The following OSBPL2 variants were observed in gnomAD, a reference collection of about 807,000 sequenced individuals.
OSBPL2 encodes oxysterol binding protein like 2.
In OSBPL2, 18 loss-of-function variants were observed where a neutral mutation model predicts 58.4. The ratio of observed to expected loss-of-function variants is 0.31; its 90% CI spans 0.21 to 0.46. The LOEUF (loss-of-function observed/expected upper bound fraction) is 0.46, where lower values mean the gene tolerates loss of function less well. Ranked by LOEUF, OSBPL2 falls within the 20% of genes least tolerant of loss-of-function variation. OSBPL2 has a pLI of 1.00. For missense variants in OSBPL2, 461 were observed against 616.5 expected (o/e 0.75, Z 2.67); for synonymous variants, 221 against 234.1 (o/e 0.94, Z 0.51).
intron 1 of OSBPL2, among the ~76,000 whole-genome samples, chr20:62,252,592 G>A (rs887278477): frequency 9.8e-5 from 15 of 152,316 alleles, no homozygotes; most frequent in African/African-American, 3.1e-4. Context: ...TCGCCGTGGT[G>A]TGGCCTCTGG....
chr20:62,250,674 A>T (rs1601152866), intron 1 of OSBPL2, among the ~76,000 whole-genome samples: 1 of 147,286 alleles, frequency 6.8e-6, no homozygotes, highest in Admixed American at 6.6e-5. Context: ...GAGTCCCAGC[A>T]CCTTGGGAGG....
At chr20:62,261,732 T>C (rs1601167102) in intron 3 of OSBPL2, among the ~76,000 whole-genome samples, 1 of 152,228 alleles carries the variant, frequency 6.6e-6, no homozygotes, top group Admixed American at 6.5e-5. Context: ...CCCTGCCTTT[T>C]ATTCCTGTTG....
At chr20:62,275,386 A>C (rs6061477) in intron 6 of OSBPL2, among the ~76,000 whole-genome samples, 19 of 151,542 alleles carry the variant, frequency 1.3e-4, no homozygotes, top group Admixed American at 4.6e-4. Context: ...GCACTTCTAC[A>C]TGTCAGTTTC....
chr20:62,246,820 A>G (rs968496379), intron 1 of OSBPL2, among the ~76,000 whole-genome samples: 8 of 152,102 alleles, frequency 5.3e-5, no homozygotes, highest in South Asian at 2.1e-4. Flanking sequence ...CCATGATTTC[A>G]TGTTCCCATC....
intron 6 of OSBPL2, among the ~76,000 whole-genome samples, chr20:62,274,801 C>T (rs184536144): frequency 3.3e-5 from 5 of 152,346 alleles, no homozygotes; most frequent in Middle Eastern, 6.8e-3. Context: ...CTGGGCTGCA[C>T]GCCTCCCTGC....
At position 62,281,945 on chromosome 20, in the gene OSBPL2, G is replaced by C. The variant is rs1049606485; in HGVS notation, c.872+66G>C. 31 of 1,048,426 alleles carry C rather than the reference G, an allele frequency of 3.0e-5. No individual in the cohort carries two copies. In the Middle Eastern group the frequency reaches 8.0e-4, roughly 27 times the overall value. The allele number at this position is 1,048,426 out of a possible 1,614,324, so 64.9% of individuals were successfully genotyped here. On this transcript the variant is annotated intron_variant, in intron 9 of 13. Coordinates refer to ENST00000313733, the MANE Select transcript of OSBPL2 (RefSeq NM_144498.4). ...TGTGTGTCCACGTTAGAAGGGCTCA[G>C]GTGCTCCTGGGCCTGCGTGTGCCTA...
chr20:62,277,967 G>C (rs1248183977), intron 6 of OSBPL2, among the ~76,000 whole-genome samples: 3 of 152,194 alleles, frequency 2.0e-5, no homozygotes, highest in Non-Finnish European at 4.4e-5. Context: ...CTTCAGAAAG[G>C]GTTTAGGGTC....
Position 62,267,802 on chromosome 20 carries a change from G to A in OSBPL2, c.258+4111G>A, listed in dbSNP as rs182339366. Among the ~76,000 whole-genome samples, 600 of 152,336 alleles carry A rather than the reference G, an allele frequency of 3.9e-3. 8 individuals are homozygous for A. The highest frequency in any genetic ancestry group is 1.1e-3 in the Non-Finnish European group (75 of 68,036). ...CAGCTCTGCTGCCGACAGTGTCTTT[G>A]CTGAGACAGCACATGTCTGTGCCTC... On this transcript the variant is annotated intron_variant, in intron 4 of 13. Transcript: ENST00000313733.
At chr20:62,280,205 A>G (rs190626014) in intron 7 of OSBPL2, 23 of 955,468 alleles carry the variant, frequency 2.4e-5, no homozygotes, top group Admixed American at 1.7e-4. Context: ...GTAATAAACG[A>G]CACCTTGCCT....
chr20:62,289,809 G>A (rs1330889178), intron 12 of OSBPL2, among the ~76,000 whole-genome samples: 1 of 152,076 alleles, frequency 6.6e-6, no homozygotes, highest in Non-Finnish European at 1.5e-5. Flanking sequence ...GGAGGCTGAG[G>A]CATGAGAATC....
chr20:62,263,841 G>A (rs1320894782), intron 4 of OSBPL2, 150 bp downstream of exon 4: 66 of 658,448 alleles, frequency 1.0e-4, no homozygotes, highest in East Asian at 2.0e-4. Context: ...CGAGGTGGGC[G>A]GATCACGAGG....
At chr20:62,245,786 A>T (rs1980066160) in intron 1 of OSBPL2, among the ~76,000 whole-genome samples, 2 of 152,258 alleles carry the variant, frequency 1.3e-5, no homozygotes, top group Admixed American at 6.5e-5. Flanking sequence ...ACCCCTTGTT[A>T]AAAAAGGTCA....
intron 12 of OSBPL2, among the ~76,000 whole-genome samples, chr20:62,290,270 C>T (rs369548822): frequency 3.9e-5 from 6 of 152,324 alleles, no homozygotes; most frequent in East Asian, 3.9e-4. Flanking sequence ...GGATCTCACT[C>T]TGTAGCCCAG....
intron 1 of OSBPL2, among the ~76,000 whole-genome samples, chr20:62,250,536 C>G (rs1351118916): frequency 2.6e-5 from 4 of 152,172 alleles, no homozygotes; most frequent in Non-Finnish European, 5.9e-5. Context: ...TTGTGTCTGG[C>G]ATCTTAATCC....
chr20:62,296,079 G>C lies in OSBPL2; in HGVS notation c.*2192G>C, dbSNP rs1330128157. The C allele has an allele frequency of 6.6e-6, 1 of 152,210 alleles. No homozygotes were observed. The highest frequency in any genetic ancestry group is 1.5e-5 in the Non-Finnish European group (1 of 68,040). 9.4% of individuals were successfully genotyped at this position (152,210 alleles called of 1,614,324 possible). A position where few individuals can be genotyped will look rare whatever the true frequency, so the allele number is the denominator to read the frequency against. On this transcript the variant is annotated 3_prime_UTR_variant, in exon 14 of 14. Transcript: ENST00000313733. Reference sequence around the variant, plus strand: ...TTATTTTAACTTTTTACTACTTTTTGTTACTGTTTCTGCAAATGCTAACAC... The same window carrying C: ...TTATTTTAACTTTTTACTACTTTTTCTTACTGTTTCTGCAAATGCTAACAC...
chr20:62,240,474 G>A (rs1365358343), intron 1 of OSBPL2, among the ~76,000 whole-genome samples: 1 of 152,174 alleles, frequency 6.6e-6, no homozygotes, highest in African/African-American at 2.4e-5. Context: ...CTTCACAACA[G>A]TCCACTGGGC....
At chr20:62,278,383 G>T (rs1157344209) in intron 6 of OSBPL2, 1 of 158,796 alleles carries the variant, frequency 6.3e-6, no homozygotes, top group African/African-American at 2.6e-5. Context: ...GTGTATGTCT[G>T]TTGCCAACAT....
chr20:62,268,439 C>T (rs1359802448), intron 4 of OSBPL2, among the ~76,000 whole-genome samples: 6 of 152,084 alleles, frequency 3.9e-5, no homozygotes, highest in Non-Finnish European at 8.8e-5. Flanking sequence ...GACCAGGAGC[C>T]AAGTTTAGGG....
At chr20:62,248,138 C>CTTTT (rs1568825250) in intron 1 of OSBPL2, among the ~76,000 whole-genome samples, 1 of 137,176 alleles carries the variant, frequency 7.3e-6, no homozygotes, top group African/African-American at 2.7e-5. Context: ...CTTTTTTTTT[C>CTTTT]TTTTTTCTTT....
Sources: allele counts gnomAD v4.1 joint callset (sites outside exome capture counted in the v4.1 genomes callset), GRCh38; gene constraint gnomAD v4.1.1; transcripts MANE v1.5; gene names NCBI Gene and HGNC (gene_info 2026-07-23, HGNC 2026-07-21).